CANX: variants seen among roughly 807,000 people sequenced by gnomAD.
The protein encoded by CANX is calnexin, also known as epididymis secretory sperm binding protein.
A neutral mutation model predicts 75.7 loss-of-function variants in CANX; 14 were observed. That is an observed-to-expected ratio of 0.19 (90% confidence interval 0.12 to 0.29). CANX has a LOEUF of 0.29. Ranked by LOEUF, CANX falls within the 10% of genes least tolerant of loss-of-function variation. CANX has a pLI of 1.00. For missense variants in CANX, 567 were observed against 713.2 expected, an observed-to-expected ratio of 0.79 and a Z score of 2.34; for synonymous variants, 227 against 236.9, an observed-to-expected ratio of 0.96 and a Z score of 0.38.
chr5:179,694,684 G>A (rs1581825074), upstream of CANX: 6 of 727,914 alleles, frequency 8.2e-6, no homozygotes, highest in East Asian at 1.5e-4. Context: ...AAGTTTGATG[G>A]CTCAAAGCGT....
chr5:179,700,021 T>C (rs1776627823), intron 1 of CANX, among the ~76,000 whole-genome samples: 1 of 152,322 alleles, frequency 6.6e-6, no homozygotes, highest in Admixed American at 6.5e-5. Flanking sequence ...GACAGGGAAG[T>C]CCGACATTTA....
In CANX at chr5:179,682,199, C is replaced by T. The variant is rs181512627; in HGVS notation, c.-4+3422C>T. On this transcript the variant is annotated intron_variant, in intron 1 of 14. Transcript: ENST00000681674. ...CCTGGGAGGCAGAGGTTGCAATGAG[C>T]GAAGATTGTGCCACTGCACTCCAAC... Among the ~76,000 whole-genome samples the T allele has an allele frequency of 4.7e-3, 696 of 147,440 alleles. 5 individuals are homozygous for T. The highest frequency in any genetic ancestry group is 0.011 in the Middle Eastern group (3 of 274).
intron 1 of CANX, chr5:179,680,835 C>T (rs1159008246): frequency 2.0e-6 from 3 of 1,493,538 alleles, no homozygotes; most frequent in African/African-American, 1.4e-5. Flanking sequence ...TACACTTATC[C>T]CTCACATATA....
In CANX at chr5:179,690,001, A is replaced by G. The variant is rs573723189; in HGVS notation, c.-4+11224A>G. ...GGTCCCAACAGGTCTGAATTGAAGGACATAAGGTTTATTCTGATGGCAGAA... is the reference window on the plus strand; with the variant it reads ...GGTCCCAACAGGTCTGAATTGAAGGGCATAAGGTTTATTCTGATGGCAGAA... On this transcript the variant is annotated intron_variant, in intron 1 of 14. Transcript: ENST00000681674. 2.6e-4 allele frequency among the ~76,000 whole-genome samples: 39 copies of G among 152,266 alleles called. No individual in the cohort carries two copies. The South Asian group carries it at 7.7e-3, about 30-fold the overall frequency.
rs149884719 is a variant in CANX, at chr5:179,730,935, C to T, written c.*2291C>T. 8.5e-5 allele frequency: 13 copies of T among 152,320 alleles called. No individual in the cohort carries two copies. Among genetic ancestry groups the T allele is most frequent in the Non-Finnish European group, 1.9e-4 (13 of 68,030 alleles). 9.4% of individuals were successfully genotyped at this position (152,320 alleles called of 1,614,324 possible). On this transcript the variant is annotated 3_prime_UTR_variant, in exon 15 of 15. Coordinates refer to ENST00000247461, the MANE Select transcript of CANX (RefSeq NM_001746.4). Reference sequence around the variant, plus strand: ...CCCTGTGTTAAGTGTCTGCTTTTGACTGAATTTCTTCATAGTAACCTTCAG... The same window carrying T: ...CCCTGTGTTAAGTGTCTGCTTTTGATTGAATTTCTTCATAGTAACCTTCAG...
chr5:179,680,493 T>G (rs1369865277), intron 1 of CANX, among the ~76,000 whole-genome samples: 2 of 152,136 alleles, frequency 1.3e-5, no homozygotes, highest in African/African-American at 4.8e-5. Flanking sequence ...GATGCGTGTA[T>G]AGACCACAGT....
rs71001039 is a variant in CANX, at chr5:179,684,926, A to ATTTTTTTT, written c.-4+6172_-4+6179dup. Among the ~76,000 whole-genome samples the ATTTTTTTT allele has an allele frequency of 5.5e-4, 27 of 49,140 alleles. 2 individuals are homozygous for ATTTTTTTT. Among genetic ancestry groups the ATTTTTTTT allele is most frequent in the African/African-American group, 8.1e-4 (9 of 11,064 alleles). 32.2% of individuals were successfully genotyped at this position (49,140 alleles called of 152,430 possible). Reference sequence around the variant, plus strand: ...TGCCACCACACCTGGCTAATTTTGTATTTTTTTTTTTTTTTTTTTTTTTTT... The same window carrying ATTTTTTTT: ...TGCCACCACACCTGGCTAATTTTGTATTTTTTTTTTTTTTTTTTTTTTTTTTTTTTTTT... On this transcript the variant is annotated intron_variant, in intron 1 of 14. Transcript: ENST00000681674.
chr5:179,708,368 C>T lies in CANX; in HGVS notation c.434C>T (p.Pro145Leu). The T allele has an allele frequency of 6.2e-7, 1 of 1,613,076 alleles. No homozygotes were observed. Among genetic ancestry groups the T allele is most frequent in the Non-Finnish European group, 8.5e-7 (1 of 1,179,294 alleles). The change falls in exon 5 of 15, where the codon CCT (proline) becomes CTT (leucine). Residue 145 changes from proline to leucine, a missense_variant. Physicochemically the swap from Pro to Leu is moderately conservative, Grantham distance 98. Around this residue, in one of 3 missense-constraint regions of CANX, gnomAD observed 351 missense variants for 433.8 expected, o/e 0.81. Transcript: ENST00000247461. ...AAGCCCTTCCTGTTTGACACCAAGC[C>T]TCTCATTGTTCAGTAAGTGAAATGC... is the stretch of plus-strand genomic sequence containing the variant. Reference protein sequence around the residue: ...LNKPFLFDTKPLIVQYEVNFQ... With the variant: ...LNKPFLFDTKLLIVQYEVNFQ...
intron 4 of CANX, among the ~76,000 whole-genome samples, 154 bp downstream of exon 4, chr5:179,707,344 G>A (rs997139242): frequency 1.1e-4 from 16 of 152,092 alleles, no homozygotes; most frequent in African/African-American, 2.9e-4. Flanking sequence ...CAGCACTTTC[G>A]GAAGCCAAGG....
At chr5:179,698,512 G>C (rs2113072218), upstream of CANX, 1 of 1,289,440 alleles carries the variant, frequency 7.8e-7, no homozygotes, top group African/African-American at 1.5e-5. Context: ...ATGGCCGATC[G>C]TCGGACTCCT....
chr5:179,696,209 C>T (rs968022946), upstream of CANX, among the ~76,000 whole-genome samples: 13 of 151,526 alleles, frequency 8.6e-5, no homozygotes, highest in Admixed American at 6.6e-5. Context: ...TGAGCTACCT[C>T]ACCCGGCCTG....
intron 1 of CANX, among the ~76,000 whole-genome samples, chr5:179,702,601 C>T (rs1046816949): frequency 1.3e-5 from 2 of 152,088 alleles, no homozygotes; most frequent in African/African-American, 4.8e-5. Context: ...CATTGATGGA[C>T]ACTTGGGTTG....
At position 179,729,743 on chromosome 5, in the gene CANX, T is replaced by G. The variant is rs1778886888; in HGVS notation, c.*1099T>G. 1 of 152,692 alleles carries G rather than the reference T, an allele frequency of 6.5e-6. No homozygotes were observed. The highest frequency in any genetic ancestry group is 1.5e-5 in the Non-Finnish European group (1 of 68,050). 9.5% of individuals were successfully genotyped at this position (152,692 alleles called of 1,614,324 possible). On this transcript the variant is annotated 3_prime_UTR_variant, in exon 15 of 15. Transcript: ENST00000247461. ...TGATACAAAGTACAGAAAAATACTT[T>G]GATTTTTATCCATTTCTTTTACTCT...
intron 1 of CANX, chr5:179,678,924 G>T: frequency 6.5e-7 from 1 of 1,535,150 alleles, no homozygotes; most frequent in Non-Finnish European, 8.7e-7. Context: ...ACGAAGGCCT[G>T]GTTGCTGAGG....
chr5:179,699,006 G>T lies in CANX; in HGVS notation c.-100G>T, dbSNP rs1220646716. Reference sequence around the variant, plus strand: ...CCTCTTGGTTCTGCGGCACGTGACGGTCGGGCCGCCTCCGCCTCTCTCTTT... The same window carrying T: ...CCTCTTGGTTCTGCGGCACGTGACGTTCGGGCCGCCTCCGCCTCTCTCTTT... On this transcript the variant is annotated 5_prime_UTR_variant, in exon 1 of 15. Coordinates refer to ENST00000247461, the MANE Select transcript of CANX (RefSeq NM_001746.4). 2.7e-6 allele frequency: 3 copies of T among 1,120,160 alleles called. No homozygotes were observed. The African/African-American group carries it at 5.2e-5, about 19-fold the overall frequency. 69.4% of individuals were successfully genotyped at this position (1,120,160 alleles called of 1,614,324 possible).
At chr5:179,708,085 C>A in intron 4 of CANX, among the ~76,000 whole-genome samples, 154 bp from the exon 5 acceptor site, 1 of 152,084 alleles carries the variant, frequency 6.6e-6, no homozygotes, top group South Asian at 2.1e-4. Context: ...GATCCGCCTG[C>A]CCTCAGCCTC....
At chr5:179,695,221 T>TG (rs1776373532), upstream of CANX, among the ~76,000 whole-genome samples, 2 of 151,602 alleles carry the variant, frequency 1.3e-5, no homozygotes, top group Non-Finnish European at 2.9e-5. Flanking sequence ...GCTAATTTTT[T>TG]TGTGTGTGTG....
At chr5:179,711,901 C>G (rs1472710649) in intron 7 of CANX, among the ~76,000 whole-genome samples, 2 of 151,740 alleles carry the variant, frequency 1.3e-5, no homozygotes, top group Admixed American at 6.6e-5. Context: ...TGTTCAAGAC[C>G]AGCCTGGCCA....
upstream of CANX, among the ~76,000 whole-genome samples, chr5:179,697,813 G>T (rs945310745): frequency 6.6e-6 from 1 of 152,104 alleles, no homozygotes; most frequent in East Asian, 1.9e-4. Context: ...GCTTGAACCC[G>T]GGAGGCGGAG....
Sources: allele counts gnomAD v4.1 joint callset (sites outside exome capture counted in the v4.1 genomes callset), GRCh38; gene constraint gnomAD v4.1.1; regional missense constraint gnomAD v4.1.1; transcripts MANE v1.5; gene names NCBI Gene and HGNC (gene_info 2026-07-23, HGNC 2026-07-21).